Variants in NEGR1 observed in about 807,000 individuals in gnomAD.
NEGR1 encodes IgLON family member 4.
Under a neutral mutation model 40.9 loss-of-function variants are expected in NEGR1, and 10 were observed. That is an observed-to-expected ratio of 0.24 (90% CI 0.15 to 0.42). The LOEUF is 0.42. NEGR1 is among the 10% of genes least tolerant of loss of function. NEGR1 has a pLI of 1.00. For missense variants in NEGR1, 352 were observed against 438.9 expected (o/e 0.80, Z 1.77); for synonymous variants, 185 against 166.8 (o/e 1.11, Z -0.84).
chr1:71,563,012 G>A (rs1465650119), intron 6 of NEGR1, among the ~76,000 whole-genome samples: 2 of 151,972 alleles, frequency 1.3e-5, no homozygotes, highest in Non-Finnish European at 2.9e-5. Flanking sequence ...GATCACCAAT[G>A]TCAATAGGAA....
At chr1:72,169,988 G>A (rs1376846806) in intron 1 of NEGR1, among the ~76,000 whole-genome samples, 1 of 152,034 alleles carries the variant, frequency 6.6e-6, no homozygotes, top group African/African-American at 2.4e-5. Flanking sequence ...CAGTAAATCA[G>A]GAAATTTAAA....
At chr1:71,895,042 A>T (rs982324298) in intron 2 of NEGR1, among the ~76,000 whole-genome samples, 1 of 152,206 alleles carries the variant, frequency 6.6e-6, no homozygotes. Flanking sequence ...CCATCGCATG[A>T]TTCTATTGTT....
intron 1 of NEGR1, among the ~76,000 whole-genome samples, chr1:72,176,969 G>A (rs1223378890): frequency 1.3e-5 from 2 of 151,990 alleles, no homozygotes; most frequent in South Asian, 2.1e-4. Context: ...GATCGAGCGC[G>A]TTCAGGGTTG....
rs114831232 is a variant in NEGR1 at position 71,803,139 on chromosome 1, C to T, written c.410-26842G>A. Reference sequence around the variant, plus strand: ...ACAGGGCCTTTAAGGAGGTAACTAACGTTAAATGAGGTCATCTTGGTTGGC... The same window carrying T: ...ACAGGGCCTTTAAGGAGGTAACTAATGTTAAATGAGGTCATCTTGGTTGGC... On this transcript the variant is annotated intron_variant, in intron 2 of 6. Coordinates refer to ENST00000357731, the MANE Select transcript of NEGR1 (RefSeq NM_173808.3). 4.9e-3 allele frequency among the ~76,000 whole-genome samples: 739 copies of T among 152,082 alleles called. 4 individuals are homozygous for T. The highest frequency in any genetic ancestry group is 0.015 in the South Asian group (70 of 4,818).
chr1:72,034,647 T>C (rs994432634), intron 1 of NEGR1, among the ~76,000 whole-genome samples: 4 of 152,188 alleles, frequency 2.6e-5, no homozygotes, highest in Non-Finnish European at 5.9e-5. Flanking sequence ...AAAAGGCTCA[T>C]TAATAGGTCA....
At position 71,512,236 on chromosome 1, in the gene NEGR1, G is replaced by C. The variant is rs150812347; in HGVS notation, c.940+80581C>G. Among the ~76,000 whole-genome samples, 11 of 151,368 alleles carry C rather than the reference G, an allele frequency of 7.3e-5. No individual in the cohort carries two copies. In the East Asian group the frequency reaches 1.8e-3, roughly 24 times the overall value. ...TTCTGATATGAAATGTTCTCTATTG[G>C]GAATATCAAATGTAAAAACAGTTCA... On this transcript the variant is annotated intron_variant, in intron 6 of 6. Transcript: ENST00000357731.
intron 3 of NEGR1, among the ~76,000 whole-genome samples, chr1:71,769,276 A>G (rs1344901300): frequency 6.6e-6 from 1 of 151,844 alleles, no homozygotes. Context: ...ATACTTGTCG[A>G]TATTCTCCAG....
At position 71,397,991 on chromosome 1, in the gene NEGR1, G is replaced by A. The variant is rs943958160; in HGVS notation, c.*9455C>T. The A allele has an allele frequency of 6.6e-6, 1 of 152,262 alleles. No homozygotes were observed. Among genetic ancestry groups the A allele is most frequent in the African/African-American group, 2.4e-5 (1 of 41,466 alleles). The allele number at this position is 152,262 out of a possible 1,614,324, so 9.4% of individuals were successfully genotyped here. ...ACAGCTTGGGCTGTTGCTTCAGACA[G>A]TGGAAGCCCCAAGCCTTGGCAGCTT... On this transcript the variant is annotated 3_prime_UTR_variant, in exon 7 of 7. Coordinates refer to ENST00000357731, the MANE Select transcript of NEGR1 (RefSeq NM_173808.3).
At chr1:71,935,991 G>T (rs551621485) in intron 1 of NEGR1, among the ~76,000 whole-genome samples, 1 of 152,030 alleles carries the variant, frequency 6.6e-6, no homozygotes, top group Non-Finnish European at 1.5e-5. Flanking sequence ...TGGAGAGGGG[G>T]TTTCACTGTG....
At chr1:71,494,767 C>G (rs1261388129) in intron 6 of NEGR1, among the ~76,000 whole-genome samples, 1 of 152,080 alleles carries the variant, frequency 6.6e-6, no homozygotes, top group Non-Finnish European at 1.5e-5. Context: ...CTTCCTGAAG[C>G]ATCCTCTAAG....
At chr1:71,767,963 C>A (rs1290998570) in intron 3 of NEGR1, among the ~76,000 whole-genome samples, 1 of 152,174 alleles carries the variant, frequency 6.6e-6, no homozygotes, top group Non-Finnish European at 1.5e-5. Context: ...CCTGTGGGTG[C>A]ACAGAGTACA....
At chr1:72,245,175 T>C (rs1472851627) in intron 1 of NEGR1, among the ~76,000 whole-genome samples, 1 of 152,046 alleles carries the variant, frequency 6.6e-6, no homozygotes, top group East Asian at 1.9e-4. Flanking sequence ...AAAATTATAG[T>C]GACTTCACCA....
At chr1:72,203,365 G>A (rs1038006080) in intron 1 of NEGR1, among the ~76,000 whole-genome samples, 2 of 152,054 alleles carry the variant, frequency 1.3e-5, no homozygotes, top group African/African-American at 4.8e-5. Flanking sequence ...CTCCACTGGA[G>A]GAAGTAAATG....
intron 6 of NEGR1, among the ~76,000 whole-genome samples, chr1:71,542,418 T>C (rs1377042462): frequency 6.6e-6 from 1 of 151,724 alleles, no homozygotes; most frequent in Non-Finnish European, 1.5e-5. Context: ...CTGTTGAGAA[T>C]ATGAGATGTT....
At chr1:71,948,806 C>T (rs1223591228) in intron 1 of NEGR1, among the ~76,000 whole-genome samples, 1 of 151,908 alleles carries the variant, frequency 6.6e-6, no homozygotes, top group Non-Finnish European at 1.5e-5. Flanking sequence ...AAATCCACTG[C>T]GATTTAGGAA....
intron 1 of NEGR1, among the ~76,000 whole-genome samples, chr1:72,136,237 G>A (rs962086495): frequency 6.6e-6 from 1 of 152,058 alleles, no homozygotes; most frequent in Admixed American, 6.6e-5. Context: ...AGTTATTATT[G>A]TTGTATTTCA....
At chr1:71,928,514 A>ATATATATACACATATATGTGTG (rs1645822432) in intron 2 of NEGR1, among the ~76,000 whole-genome samples, 2 of 146,494 alleles carry the variant, frequency 1.4e-5, no homozygotes, top group Admixed American at 7.1e-5. Context: ...ATACATGTGT[A>ATATATATACACATATATGTGTG]TATATATACA....
chr1:71,596,931 A>G (rs1649730747), intron 5 of NEGR1, among the ~76,000 whole-genome samples: 1 of 152,220 alleles, frequency 6.6e-6, no homozygotes, highest in African/African-American at 2.4e-5. Context: ...GACTGGAATT[A>G]TGAGAGAACA....
chr1:71,610,535 T>C (rs1420950344), intron 5 of NEGR1, among the ~76,000 whole-genome samples: 1 of 152,194 alleles, frequency 6.6e-6, no homozygotes, highest in East Asian at 1.9e-4. Context: ...TTATCTCCTC[T>C]ACAGCCTCTT....
Sources: allele counts gnomAD v4.1 joint callset (sites outside exome capture counted in the v4.1 genomes callset), GRCh38; gene constraint gnomAD v4.1.1; transcripts MANE v1.5; gene names NCBI Gene and HGNC (gene_info 2026-07-23, HGNC 2026-07-21).